Variants in FAS observed in about 807,000 individuals in gnomAD.
FAS encodes Fas cell surface death receptor.
A neutral mutation model predicts 33.2 loss-of-function variants in FAS; 5 were observed. The observed-to-expected ratio is 0.15, with a 90% CI of 0.08 to 0.32. The LOEUF (loss-of-function observed/expected upper bound fraction) is 0.32, where lower values mean the gene tolerates loss of function less well. FAS is among the 10% of genes least tolerant of loss of function. The probability of loss-of-function intolerance (pLI) is 1.00; values close to 1 mark genes in which losing one functional copy is unlikely to be tolerated. For missense variants in FAS, 339 were observed against 386.0 expected, an observed-to-expected ratio of 0.88 and a Z score of 1.02; for synonymous variants, 131 against 130.7, an observed-to-expected ratio of 1.00 and a Z score of -0.01.
At chr10:88,983,479 G>T (rs1846761970), upstream of FAS, among the ~76,000 whole-genome samples, 1 of 152,102 alleles carries the variant, frequency 6.6e-6, no homozygotes, top group Non-Finnish European at 1.5e-5. Flanking sequence ...GGCTTTGGAA[G>T]TTCACTTCTG....
Position 88,991,026 on chromosome 10 carries a change from G to C in FAS, c.30+120G>C, listed in dbSNP as rs1005491142. Reference sequence around the variant, plus strand: ...GGCAGCGGCGCACGCGGGCACCTGGGAGCGGCGGGCTGCTGCGGGAGGCGT... The same window carrying C: ...GGCAGCGGCGCACGCGGGCACCTGGCAGCGGCGGGCTGCTGCGGGAGGCGT... On this transcript the variant is annotated intron_variant, in intron 1 of 8. Transcript: ENST00000652046. 4 of 1,401,530 alleles carry C rather than the reference G, an allele frequency of 2.9e-6. No individual in the cohort carries two copies. The South Asian group carries it at 3.6e-5, about 13-fold the overall frequency. The allele number at this position is 1,401,530 out of a possible 1,614,324, so 86.8% of individuals were successfully genotyped here.
chr10:88,971,270 A>G (rs1212561536), intron 1 of FAS, among the ~76,000 whole-genome samples: 1 of 152,238 alleles, frequency 6.6e-6, no homozygotes, highest in Non-Finnish European at 1.5e-5. Context: ...CAGATGATGT[A>G]TCTGTTTTTC....
intron 1 of FAS, among the ~76,000 whole-genome samples, chr10:88,999,172 T>TAATAAA (rs1564680944): frequency 5.6e-5 from 8 of 143,974 alleles, no homozygotes; most frequent in Non-Finnish European, 9.0e-5. Context: ...AATAAATAAA[T>TAATAAA]AAAATAAAAT....
At chr10:88,986,741 G>C (rs538483874), upstream of FAS, among the ~76,000 whole-genome samples, 2 of 152,106 alleles carry the variant, frequency 1.3e-5, no homozygotes, top group African/African-American at 4.8e-5. Context: ...GAAGGAAGTA[G>C]TGCAGGAAGG....
chr10:88,992,333 ACTCTT>A (rs1172510711), intron 1 of FAS: 2 of 152,048 alleles, frequency 1.3e-5, no homozygotes, highest in Admixed American at 1.3e-4. Flanking sequence ...CTCAGGCCAC[ACTCTT>A]CTCTCTCTTG....
Position 89,007,689 on chromosome 10 carries a change from T to C in FAS, c.197-11T>C, listed in dbSNP as rs187793393. ...CCTGTTCAAACACTTGCTCCTTTTT[T>C]CCTTGGGCAGGTGAAAGGAAAGCTA... On this transcript the variant is annotated splice_polypyrimidine_tract_variant and intron_variant, in intron 2 of 8. Transcript: ENST00000652046. 38 of 1,613,782 alleles carry C rather than the reference T, an allele frequency of 2.4e-5. 1 individual carries two copies. The East Asian group carries it at 3.6e-4, about 15-fold the overall frequency.
chr10:88,979,616 T>C (rs1247319004), intron 2 of FAS, among the ~76,000 whole-genome samples: 2 of 152,178 alleles, frequency 1.3e-5, no homozygotes, highest in Non-Finnish European at 2.9e-5. Flanking sequence ...TGATGACTTT[T>C]TTTTTTTAAC....
Position 89,015,886 on chromosome 10 carries a change from C to T in FAS, c.*1436C>T. ...AACTTGTCTTTAATGCTTCTTGGAT[C>T]CCTTAGAAGGTACTTCCTTTTTAAC... On this transcript the variant is annotated 3_prime_UTR_variant, in exon 9 of 9. Coordinates refer to ENST00000652046, the MANE Select transcript of FAS (RefSeq NM_000043.6). 2.9e-6 allele frequency: 1 copy of T among 348,634 alleles called. No homozygotes were observed. Among genetic ancestry groups the T allele is most frequent in the Middle Eastern group, 8.3e-4 (1 of 1,212 alleles). The allele number at this position is 348,634 out of a possible 1,614,324, so 21.6% of individuals were successfully genotyped here. A position where few individuals can be genotyped will look rare whatever the true frequency, so the allele number is the denominator to read the frequency against.
upstream of FAS, chr10:88,990,637 G>T (rs1847110407): frequency 2.9e-6 from 2 of 693,872 alleles, no homozygotes; most frequent in African/African-American, 1.8e-5. The surrounding 1 kb of genome is among the most constrained non-coding windows in gnomAD (Gnocchi z 4.9). Flanking sequence ...GGCTTTTCGT[G>T]AGCTCGTCTC....
At chr10:88,967,470 C>T (rs1337185299) in intron 1 of FAS, among the ~76,000 whole-genome samples, 1 of 152,154 alleles carries the variant, frequency 6.6e-6, no homozygotes, top group African/African-American at 2.4e-5. Context: ...TGCGAGAATA[C>T]AGTGGAATAC....
At chr10:88,983,791 A>T (rs889428919), upstream of FAS, among the ~76,000 whole-genome samples, 18 of 152,326 alleles carry the variant, frequency 1.2e-4, no homozygotes, top group Non-Finnish European at 2.5e-4. Flanking sequence ...AGTTTGAAGA[A>T]ATTTCAGAAA....
intron 2 of FAS, among the ~76,000 whole-genome samples, chr10:88,981,383 C>T (rs199687700): frequency 6.7e-6 from 1 of 149,604 alleles, no homozygotes; most frequent in African/African-American, 2.5e-5. Flanking sequence ...AGAGAAATGA[C>T]TTTTTTTTTT....
intron 1 of FAS, among the ~76,000 whole-genome samples, chr10:88,997,268 T>A (rs1363439012): frequency 6.6e-6 from 1 of 152,208 alleles, no homozygotes; most frequent in Non-Finnish European, 1.5e-5. Context: ...TATTAAATAA[T>A]GCATCACTAC....
At chr10:88,978,530 T>A (rs1013879215) in intron 2 of FAS, among the ~76,000 whole-genome samples, 4 of 152,230 alleles carry the variant, frequency 2.6e-5, no homozygotes, top group Admixed American at 2.6e-4. Context: ...TCATCACCCC[T>A]GCTCTGACCT....
At chr10:89,003,709 T>C (rs185380044) in intron 2 of FAS, among the ~76,000 whole-genome samples, 1 of 150,976 alleles carries the variant, frequency 6.6e-6, no homozygotes, top group Admixed American at 6.6e-5. Flanking sequence ...ACCAACAGCT[T>C]TTTTTTTTAA....
chr10:89,000,682 A>AT (rs1389746171), intron 1 of FAS, among the ~76,000 whole-genome samples: 2 of 151,932 alleles, frequency 1.3e-5, no homozygotes, highest in Admixed American at 6.6e-5. Flanking sequence ...TCAATAGGGC[A>AT]TTTTTTTCTG....
chr10:88,967,033 C>A (rs559310647), intron 1 of FAS, among the ~76,000 whole-genome samples: 2 of 152,310 alleles, frequency 1.3e-5, no homozygotes, highest in East Asian at 3.9e-4. Context: ...GTTTATACAA[C>A]ACTTATTTTA....
At chr10:88,987,535 C>A (rs908347543), upstream of FAS, among the ~76,000 whole-genome samples, 4 of 152,208 alleles carry the variant, frequency 2.6e-5, no homozygotes, top group Non-Finnish European at 4.4e-5. Context: ...GGGCCACAAG[C>A]TCCCTTCACA....
At chr10:88,978,900 A>G (rs1025542169) in intron 2 of FAS, among the ~76,000 whole-genome samples, 7 of 151,268 alleles carry the variant, frequency 4.6e-5, no homozygotes, top group Admixed American at 1.3e-4. Flanking sequence ...TATTATTATT[A>G]TTATATTATT....
Sources: allele counts gnomAD v4.1 joint callset (sites outside exome capture counted in the v4.1 genomes callset), GRCh38; gene constraint gnomAD v4.1.1; non-coding constraint Gnocchi (gnomAD v3.1); transcripts MANE v1.5; gene names NCBI Gene and HGNC (gene_info 2026-07-23, HGNC 2026-07-21).